The following NEK9 variants were observed in gnomAD, a reference collection of about 807,000 sequenced individuals.
NEK9 encodes the protein NIMA related kinase 9, also known as serine/threonine-protein kinase Nek9.
Under a neutral mutation model 123.4 loss-of-function variants are expected in NEK9, and 75 were observed. The ratio of observed to expected loss-of-function variants is 0.61; its 90% confidence interval spans 0.50 to 0.74. The LOEUF (loss-of-function observed/expected upper bound fraction) is 0.74. Ranked by LOEUF, NEK9 falls within the 30% of genes least tolerant of loss-of-function variation. The pLI is 0.00. For missense variants in NEK9, 952 were observed against 1,214.4 expected (o/e 0.78, Z 3.21); for synonymous variants, 438 against 458.7 (o/e 0.95, Z 0.58).
At chr14:75,086,486 A>C (rs776393478) in intron 21 of NEK9, 1 of 156,462 alleles carries the variant, frequency 6.4e-6, no homozygotes, top group Non-Finnish European at 1.4e-5. Context: ...GAGGTATGTA[A>C]TTAAGTATTG....
Position 75,112,606 on chromosome 14 carries a change from T to G in NEK9, c.938+733A>C, listed in dbSNP as rs555833520. On this transcript the variant is annotated intron_variant, in intron 8 of 21. Transcript: ENST00000238616. ...TGGGAGGCTGAGGCAGGAGGATTGC[T>G]TAGGCAACAGCTTTGAGATCAGCCT... is the stretch of plus-strand genomic sequence containing the variant. 1.4e-3 allele frequency among the ~76,000 whole-genome samples: 208 copies of G among 152,296 alleles called. 1 individual carries two copies. Among genetic ancestry groups the G allele is most frequent in the African/African-American group, 4.8e-3 (198 of 41,564 alleles).
intron 2 of NEK9, 91 bp from the exon 3 acceptor site, chr14:75,121,265 G>T: frequency 1.1e-6 from 1 of 919,458 alleles, no homozygotes; most frequent in Admixed American, 2.1e-5. Flanking sequence ...ACAAGGAAAT[G>T]AAGGATTCTG....
At position 75,108,743 on chromosome 14, in the gene NEK9, T is replaced by C. The variant is rs186739695; in HGVS notation, c.1182+942A>G. On this transcript the variant is annotated intron_variant, in intron 10 of 21. Coordinates refer to ENST00000238616, the MANE Select transcript of NEK9 (RefSeq NM_033116.6). ...CTAACTTTTGTATTTTTAGTAGAGA[T>C]GGGGTTTTGTCATGTTTGCCAGGCT... Among the ~76,000 whole-genome samples the C allele has an allele frequency of 5.3e-3, 798 of 151,956 alleles. 3 individuals carry two copies. The highest frequency in any genetic ancestry group is 5.6e-3 in the Non-Finnish European group (380 of 67,968).
At position 75,109,665 on chromosome 14, in the gene NEK9, A is replaced by G. The variant is rs1894894335; in HGVS notation, c.1182+20T>C. The stretch of plus-strand genomic sequence containing the variant: ...AATTAGGCTTACAGCACTGTTCCAA[A>G]ATGCTTAGCGTTCACTTACCACCCA... On this transcript the variant is annotated intron_variant, in intron 10 of 21. Coordinates refer to ENST00000238616, the MANE Select transcript of NEK9 (RefSeq NM_033116.6). The G allele has an allele frequency of 6.2e-7, 1 of 1,603,692 alleles. No individual in the cohort carries two copies. The highest frequency in any genetic ancestry group is 1.8e-5 in the Admixed American group (1 of 56,452).
rs770316564 is a variant in NEK9, at chr14:75,087,110, A to T, written c.2725T>A (p.Cys909Ser). 11 of 1,614,038 alleles carry T rather than the reference A, an allele frequency of 6.8e-6. No individual in the cohort carries two copies. The highest frequency in any genetic ancestry group is 5.0e-5 in the Admixed American group (3 of 59,972). ...VERLQGLVLK[C>S]LAEQQKLQQE... ...TGTAGCTTCTGTTGTTCAGCCAGAC[A>T]CTTTAACACCAGACCCTGCAATCTC... The change falls in exon 21 of 22, where the codon TGT (cysteine) becomes AGT (serine). Residue 909 changes from cysteine (C) to serine (S), a missense_variant. Physicochemically the swap from Cys to Ser is moderately radical, Grantham distance 112. Around this residue, in one of 4 missense-constraint regions of NEK9, gnomAD observed 698 missense variants for 875.6 expected, o/e 0.80. Coordinates refer to ENST00000238616, the MANE Select transcript of NEK9 (RefSeq NM_033116.6).
chr14:75,085,258 T>C (rs770315850), intron 21 of NEK9, among the ~76,000 whole-genome samples: 2 of 152,224 alleles, frequency 1.3e-5, no homozygotes, highest in Non-Finnish European at 2.9e-5. Context: ...CCCAAAGTGC[T>C]GGGATTACAG....
At position 75,106,541 on chromosome 14, in the gene NEK9, G is replaced by T. The variant is rs757011098; in HGVS notation, c.1489C>A (p.Arg497=). The T allele has an allele frequency of 6.2e-7, 1 of 1,613,904 alleles. No homozygotes were observed. Among genetic ancestry groups the T allele is most frequent in the Non-Finnish European group, 8.5e-7 (1 of 1,179,996 alleles). ...CGDNHVVVLT[R]NKEVYSWGCG... ...CCCCAAGAATAGACTTCCTTGTTTCGTGTCAGAACCACCACATGATTATCT... is the reference window on the plus strand; with the variant it reads ...CCCCAAGAATAGACTTCCTTGTTTCTTGTCAGAACCACCACATGATTATCT... The change falls in exon 12 of 22, where the codon CGA becomes AGA. Residue 497 remains arginine (R), a synonymous_variant. Coordinates refer to ENST00000238616, the MANE Select transcript of NEK9 (RefSeq NM_033116.6).
chr14:75,087,387 T>C (rs112459943), intron 20 of NEK9, among the ~76,000 whole-genome samples, 157 bp from the exon 21 acceptor site: 231 of 152,332 alleles, frequency 1.5e-3, no homozygotes, highest in African/African-American at 5.3e-3. Flanking sequence ...AATGCTAGGA[T>C]TATAACAGCG....
intron 5 of NEK9, among the ~76,000 whole-genome samples, 166 bp downstream of exon 5, chr14:75,118,664 C>T (rs1446086895): frequency 1.3e-5 from 2 of 152,198 alleles, no homozygotes; most frequent in African/African-American, 2.4e-5. Flanking sequence ...TGGGCAATGA[C>T]TTAAATGCCT....
intron 2 of NEK9, among the ~76,000 whole-genome samples, chr14:75,123,419 TAATAATAAA>T (rs1895409196): frequency 1.3e-5 from 2 of 151,762 alleles, no homozygotes; most frequent in Non-Finnish European, 2.9e-5. Context: ...AAAATAATAA[TAATAATAAA>T]AATAAAATGA....
chr14:75,089,896 A>G (rs901707594), intron 19 of NEK9, among the ~76,000 whole-genome samples: 4 of 151,828 alleles, frequency 2.6e-5, no homozygotes, highest in African/African-American at 9.7e-5. Context: ...ATGGGGTTTC[A>G]CCATGTTGGC....
At chr14:75,109,352 C>G (rs894069783) in intron 10 of NEK9, among the ~76,000 whole-genome samples, 1 of 152,186 alleles carries the variant, frequency 6.6e-6, no homozygotes, top group East Asian at 1.9e-4. Flanking sequence ...TTGCTCTGAA[C>G]CTCATGGTAA....
intron 2 of NEK9, among the ~76,000 whole-genome samples, chr14:75,123,005 G>A (rs1200614822): frequency 6.6e-6 from 1 of 151,756 alleles, no homozygotes; most frequent in African/African-American, 2.4e-5. Context: ...ATGTTGCCTA[G>A]GCTTTCCTCA....
chr14:75,110,714 G>T (rs2139777800), intron 8 of NEK9, among the ~76,000 whole-genome samples: 1 of 151,860 alleles, frequency 6.6e-6, no homozygotes, highest in East Asian at 1.9e-4. Context: ...CCCAAACTCA[G>T]TATCTCCAAA....
intron 13 of NEK9, among the ~76,000 whole-genome samples, chr14:75,105,324 A>G (rs1176725755): frequency 6.6e-6 from 1 of 152,020 alleles, no homozygotes; most frequent in Non-Finnish European, 1.5e-5. Flanking sequence ...AAAAAAAAGA[A>G]AACAGAAAAC....
At chr14:75,111,247 AC>A (rs1311791015) in intron 8 of NEK9, among the ~76,000 whole-genome samples, 1 of 152,002 alleles carries the variant, frequency 6.6e-6, no homozygotes, top group African/African-American at 2.4e-5. Flanking sequence ...TTTTGTTTGC[AC>A]CCCACGTTCT....
intron 1 of NEK9, among the ~76,000 whole-genome samples, chr14:75,124,938 A>ATT (rs34243579): frequency 0.058 from 8,096 of 139,450 alleles, 271 homozygotes; most frequent in Non-Finnish European, 0.069. Context: ...ACTCAGCTAA[A>ATT]TTTTTTTTTT....
At chr14:75,123,953 C>T (rs1895426953) in intron 2 of NEK9, 93 bp downstream of exon 2, 20 of 997,024 alleles carry the variant, frequency 2.0e-5, no homozygotes, top group Non-Finnish European at 2.7e-5. Flanking sequence ...AAGTTTTTAT[C>T]ACTGTATATG....
chr14:75,084,581 A>C lies in NEK9; in HGVS notation c.2923T>G (p.Cys975Gly). Reference protein sequence around the residue: ...DSWCLLGTDSCRPSL With the variant: ...DSWCLLGTDSGRPSL ...TCAGGAGACTAGAGGCTGGGTCTAC[A>C]GGAGTCTGTTCCCAGGAGGCACCAG... is the stretch of plus-strand genomic sequence containing the variant. Residue 975 changes from cysteine (C) to glycine (G), a missense_variant, in exon 22 of 22, where the codon TGT becomes GGT. Cys to Gly is a radical substitution (Grantham distance 159). Around this residue, in one of 4 missense-constraint regions of NEK9, gnomAD observed 698 missense variants for 875.6 expected, o/e 0.80. Transcript: ENST00000238616. 6.2e-7 allele frequency: 1 copy of C among 1,614,180 alleles called. No individual in the cohort carries two copies. The highest frequency in any genetic ancestry group is 8.5e-7 in the Non-Finnish European group (1 of 1,180,006).
Sources: allele counts gnomAD v4.1 joint callset (sites outside exome capture counted in the v4.1 genomes callset), GRCh38; gene constraint gnomAD v4.1.1; regional missense constraint gnomAD v4.1.1; transcripts MANE v1.5; gene names NCBI Gene and HGNC (gene_info 2026-07-23, HGNC 2026-07-21).